PPP1R1C: variants seen among roughly 807,000 people sequenced by gnomAD.
The protein encoded by PPP1R1C is protein phosphatase 1 regulatory subunit 1C.
PPP1R1C carries 15 observed loss-of-function variants against 17.4 expected under a neutral mutation model. That is an observed-to-expected ratio of 0.86 (90% CI 0.58 to 1.33). The LOEUF is 1.33. Ranked by LOEUF, PPP1R1C falls within the 40% of genes most tolerant of loss-of-function variation. PPP1R1C has a pLI of 0.00. For missense variants in PPP1R1C, 143 were observed against 130.0 expected (o/e 1.10, Z -0.48); for synonymous variants, 35 against 43.1 (o/e 0.81, Z 0.73).
At chr2:181,997,923 C>T (rs1685659723) in intron 2 of PPP1R1C, among the ~76,000 whole-genome samples, 1 of 152,194 alleles carries the variant, frequency 6.6e-6, no homozygotes, top group Admixed American at 6.5e-5. Context: ...CTCTATCTCT[C>T]CTTCATGTCT....
intron 2 of PPP1R1C, among the ~76,000 whole-genome samples, chr2:182,001,935 T>A (rs1192243352): frequency 6.6e-6 from 1 of 152,140 alleles, no homozygotes; most frequent in Non-Finnish European, 1.5e-5. Context: ...TTATTTGCAG[T>A]CATATACGTA....
intron 2 of PPP1R1C, among the ~76,000 whole-genome samples, chr2:182,037,867 T>C (rs1256901237): frequency 6.6e-6 from 1 of 152,258 alleles, no homozygotes; most frequent in East Asian, 1.9e-4. Flanking sequence ...ACTTTATTTC[T>C]ACACTTTTAT....
At chr2:182,022,784 C>T (rs899121892) in intron 2 of PPP1R1C, among the ~76,000 whole-genome samples, 2 of 152,164 alleles carry the variant, frequency 1.3e-5, no homozygotes, top group East Asian at 3.8e-4. Context: ...ATAAGTGTAT[C>T]TCCCTTATAA....
intron 4 of PPP1R1C, among the ~76,000 whole-genome samples, chr2:182,105,637 T>A (rs1417929188): frequency 6.6e-6 from 1 of 152,186 alleles, no homozygotes; most frequent in East Asian, 1.9e-4. Flanking sequence ...CTCCAGAGAA[T>A]TTGATATGAT....
chr2:182,052,243 T>A (rs886497490), intron 2 of PPP1R1C, among the ~76,000 whole-genome samples: 10 of 152,290 alleles, frequency 6.6e-5, no homozygotes, highest in African/African-American at 2.4e-4. Flanking sequence ...GGATTAGTTT[T>A]AAGGGATGGG....
At chr2:182,089,981 T>G (rs1688735872) in intron 4 of PPP1R1C, among the ~76,000 whole-genome samples, 1 of 152,214 alleles carries the variant, frequency 6.6e-6, no homozygotes, top group Admixed American at 6.5e-5. Context: ...CTTTTTATAC[T>G]TACATATTCA....
At position 181,992,451 on chromosome 2, in the gene PPP1R1C, A is replaced by C. The variant is rs1283238461; in HGVS notation, c.142+4552A>C. 2.2e-5 allele frequency among the ~76,000 whole-genome samples: 3 copies of C among 134,724 alleles called. 1 individual carries two copies. The highest frequency in any genetic ancestry group is 5.0e-5 in the Non-Finnish European group (3 of 60,076). 88.4% of individuals were successfully genotyped at this position (134,724 alleles called of 152,430 possible). On this transcript the variant is annotated intron_variant, in intron 2 of 4. Coordinates refer to ENST00000682840, the MANE Select transcript of PPP1R1C (RefSeq NM_001080545.3). ...AGCTGGACACAGTCTTCCAGTAAAAAGCCAGCCTAGACCAGGTCTTCTGAA... is the reference window on the plus strand; with the variant it reads ...AGCTGGACACAGTCTTCCAGTAAAACGCCAGCCTAGACCAGGTCTTCTGAA...
intron 2 of PPP1R1C, among the ~76,000 whole-genome samples, chr2:182,021,930 T>C (rs1574384262): frequency 6.6e-6 from 1 of 152,254 alleles, no homozygotes; most frequent in Middle Eastern, 3.4e-3. Flanking sequence ...CAGCCAGAAA[T>C]AGCAGGGGGA....
chr2:182,070,366 G>A (rs978680856), intron 4 of PPP1R1C, among the ~76,000 whole-genome samples: 21 of 152,158 alleles, frequency 1.4e-4, no homozygotes, highest in Non-Finnish European at 2.1e-4. Flanking sequence ...GACTAAATAG[G>A]TCTCATTAAT....
In PPP1R1C at chr2:181,961,086, G is replaced by A. The variant is rs183977945; in HGVS notation, n.111+6452G>A. The A allele has an allele frequency of 4.5e-3, 2,444 of 548,856 alleles. 8 individuals carry two copies. The highest frequency in any genetic ancestry group is 5.8e-3 in the Non-Finnish European group (1,780 of 305,222). The allele number at this position is 548,856 out of a possible 1,614,324, so 34.0% of individuals were successfully genotyped here. On this transcript the variant is annotated intron_variant and non_coding_transcript_variant, in intron 1 of 5. Coordinates refer to the PPP1R1C transcript ENST00000464264. The surrounding 1 kb of genome is among the most constrained non-coding windows in gnomAD (Gnocchi z 5.8). ...GCAAAATAAAGGCTGTAACAGGAGC[G>A]TGTGTCACATCATCATAGCAGTTTT...
intron 4 of PPP1R1C, among the ~76,000 whole-genome samples, chr2:182,102,818 T>A (rs1689137065): frequency 6.6e-6 from 1 of 152,166 alleles, no homozygotes; most frequent in Non-Finnish European, 1.5e-5. Flanking sequence ...ATTTTATTAA[T>A]TTTCTTATTT....
intron 4 of PPP1R1C, among the ~76,000 whole-genome samples, chr2:182,088,651 C>A (rs1010767806): frequency 6.6e-6 from 1 of 152,130 alleles, no homozygotes; most frequent in Non-Finnish European, 1.5e-5. Context: ...GGGGGTTTGG[C>A]AGTTTTCTTA....
At chr2:182,061,581 A>G in intron 3 of PPP1R1C, 102 bp downstream of exon 3, 1 of 608,562 alleles carries the variant, frequency 1.6e-6, no homozygotes. Context: ...AACTGTAATA[A>G]AACTTTAGAT....
chr2:182,073,743 G>A (rs1161805608), intron 4 of PPP1R1C, among the ~76,000 whole-genome samples: 1 of 152,166 alleles, frequency 6.6e-6, no homozygotes, highest in Non-Finnish European at 1.5e-5. Flanking sequence ...AGAAATATCA[G>A]GGGTAGATTC....
intron 2 of PPP1R1C, among the ~76,000 whole-genome samples, chr2:182,017,934 T>C (rs543537173): frequency 1.7e-4 from 26 of 152,224 alleles, no homozygotes; most frequent in East Asian, 1.5e-3. Flanking sequence ...GCTGTTTACA[T>C]TGAGGAATGA....
intron 2 of PPP1R1C, among the ~76,000 whole-genome samples, chr2:182,056,848 GA>G (rs1357507011): frequency 6.6e-6 from 1 of 152,092 alleles, no homozygotes; most frequent in African/African-American, 2.4e-5. Context: ...CCAACAGAGG[GA>G]AGTCATACAT....
At chr2:181,983,376 G>C (rs1010976559), upstream of PPP1R1C, among the ~76,000 whole-genome samples, 1 of 152,144 alleles carries the variant, frequency 6.6e-6, no homozygotes, top group African/African-American at 2.4e-5. Context: ...ACCTCAAACA[G>C]TTGTCGGAAT....
chr2:182,116,644 A>G (rs1486756463), intron 4 of PPP1R1C, among the ~76,000 whole-genome samples: 1 of 152,216 alleles, frequency 6.6e-6, no homozygotes, highest in Non-Finnish European at 1.5e-5. Context: ...CTTGTATAGC[A>G]GGCAAATGTA....
At chr2:182,099,805 A>C (rs1212891645) in intron 4 of PPP1R1C, among the ~76,000 whole-genome samples, 1 of 152,228 alleles carries the variant, frequency 6.6e-6, no homozygotes, top group Non-Finnish European at 1.5e-5. Flanking sequence ...AAGGAGTAAC[A>C]GTGGCACAGT....
Sources: allele counts gnomAD v4.1 joint callset (sites outside exome capture counted in the v4.1 genomes callset), GRCh38; gene constraint gnomAD v4.1.1; non-coding constraint Gnocchi (gnomAD v3.1); transcripts MANE v1.5; gene names NCBI Gene and HGNC (gene_info 2026-07-23, HGNC 2026-07-21).